The following ARNT2 variants were observed in gnomAD, a reference collection of about 807,000 sequenced individuals.
ARNT2 encodes ARNT protein 2.
In ARNT2, 36 loss-of-function variants were observed where a neutral mutation model predicts 91.7. The observed-to-expected ratio is 0.39, with a 90% CI of 0.30 to 0.52. The LOEUF (loss-of-function observed/expected upper bound fraction) is 0.52. Ranked by LOEUF, ARNT2 falls within the 20% of genes least tolerant of loss-of-function variation. The pLI is 0.72. For missense variants in ARNT2, 775 were observed against 939.3 expected, an observed-to-expected ratio of 0.83 and a Z score of 2.29; for synonymous variants, 365 against 347.1, an observed-to-expected ratio of 1.05 and a Z score of -0.57.
intron 6 of ARNT2, among the ~76,000 whole-genome samples, chr15:80,511,261 C>T (rs1239856514): frequency 6.6e-6 from 1 of 152,032 alleles, no homozygotes; most frequent in East Asian, 1.9e-4. Context: ...TTATTGTTAG[C>T]GAATTAACAC....
chr15:80,568,058 G>C (rs1364886659), intron 12 of ARNT2, among the ~76,000 whole-genome samples: 1 of 152,156 alleles, frequency 6.6e-6, no homozygotes, highest in East Asian at 1.9e-4. Flanking sequence ...TGGAGAAACT[G>C]AGTGTTTAAT....
intron 2 of ARNT2, among the ~76,000 whole-genome samples, 177 bp from the exon 3 acceptor site, chr15:80,457,752 T>C (rs1413683799): frequency 1.3e-5 from 2 of 152,240 alleles, no homozygotes; most frequent in Non-Finnish European, 2.9e-5. Context: ...ATTTTGCCTC[T>C]TCTTGTCTTG....
At chr15:80,536,487 G>C (rs892713575) in intron 8 of ARNT2, among the ~76,000 whole-genome samples, 4 of 152,204 alleles carry the variant, frequency 2.6e-5, no homozygotes, top group Admixed American at 2.6e-4. Flanking sequence ...TATTGGACAT[G>C]TGTAGCCCCC....
At chr15:80,424,696 T>G (rs1382411549) in intron 1 of ARNT2, among the ~76,000 whole-genome samples, 1 of 152,124 alleles carries the variant, frequency 6.6e-6, no homozygotes, top group African/African-American at 2.4e-5. Context: ...CTGGAACCTT[T>G]CCCTTTCAGT....
intron 3 of ARNT2, among the ~76,000 whole-genome samples, chr15:80,462,019 A>G (rs1422568997): frequency 2.0e-5 from 3 of 152,102 alleles, no homozygotes; most frequent in Non-Finnish European, 2.9e-5. Context: ...GCACCCTCCT[A>G]TAGTGAGGTC....
At chr15:80,568,488 T>C (rs1898526781) in intron 12 of ARNT2, among the ~76,000 whole-genome samples, 1 of 152,222 alleles carries the variant, frequency 6.6e-6, no homozygotes, top group Non-Finnish European at 1.5e-5. Context: ...CCCAGAATCA[T>C]GACGGAGTCT....
chr15:80,528,923 A>G (rs1897690589), intron 8 of ARNT2, among the ~76,000 whole-genome samples: 2 of 152,224 alleles, frequency 1.3e-5, no homozygotes, highest in South Asian at 2.1e-4. Flanking sequence ...TTCAAGAAAC[A>G]GGTTTGCCAT....
chr15:80,411,416 C>T (rs891929161), intron 1 of ARNT2, among the ~76,000 whole-genome samples: 7 of 152,154 alleles, frequency 4.6e-5, no homozygotes, highest in African/African-American at 1.7e-4. Flanking sequence ...TTGTATGTGG[C>T]TGCCTTTCAA....
At chr15:80,508,344 C>T in intron 6 of ARNT2, 86 bp downstream of exon 6, 1 of 1,354,380 alleles carries the variant, frequency 7.4e-7, no homozygotes, top group Admixed American at 1.8e-5. Context: ...AGCTCTGCCG[C>T]AGTCACACAT....
rs76124122 is a variant in ARNT2 at position 80,478,490 on chromosome 15, G to C, written c.622+3267G>C. ...GGCAGCCAGAACCAGTACAGTGGAG[G>C]GTGTCCTCCAAGATGCCAGAGAAGG... On this transcript the variant is annotated intron_variant, in intron 5 of 18. Coordinates refer to ENST00000303329, the MANE Select transcript of ARNT2 (RefSeq NM_014862.4). 3.4e-3 allele frequency among the ~76,000 whole-genome samples: 522 copies of C among 152,346 alleles called. 2 individuals are homozygous for C. Among genetic ancestry groups the C allele is most frequent in the African/African-American group, 0.012 (497 of 41,578 alleles).
intron 8 of ARNT2, among the ~76,000 whole-genome samples, chr15:80,531,184 C>T (rs748576245): frequency 1.6e-4 from 24 of 152,272 alleles, no homozygotes; most frequent in Middle Eastern, 3.4e-3. Flanking sequence ...TGTAAGTCCC[C>T]GGACAGCCTC....
Position 80,461,957 on chromosome 15 carries a change from C to A in ARNT2, c.194+3981C>A, listed in dbSNP as rs567725120. On this transcript the variant is annotated intron_variant, in intron 3 of 18. Coordinates refer to ENST00000303329, the MANE Select transcript of ARNT2 (RefSeq NM_014862.4). ...TCTTTGGAAAAATGCCGATTACACTCCAGCAAGTGTTTCTCCAAAGATGAT... is the reference window on the plus strand; with the variant it reads ...TCTTTGGAAAAATGCCGATTACACTACAGCAAGTGTTTCTCCAAAGATGAT... 6.6e-5 allele frequency among the ~76,000 whole-genome samples: 10 copies of A among 152,286 alleles called. No individual in the cohort carries two copies. In the South Asian group the frequency reaches 2.1e-3, roughly 32 times the overall value.
At chr15:80,430,269 G>T (rs539304434) in intron 1 of ARNT2, among the ~76,000 whole-genome samples, 3 of 152,088 alleles carry the variant, frequency 2.0e-5, no homozygotes, top group African/African-American at 7.2e-5. Flanking sequence ...GATCTCTGTG[G>T]TCTCCCCACT....
At chr15:80,569,723 C>G (rs1043295748) in intron 12 of ARNT2, among the ~76,000 whole-genome samples, 1 of 152,250 alleles carries the variant, frequency 6.6e-6, no homozygotes, top group Non-Finnish European at 1.5e-5. Flanking sequence ...AGCAAACCCC[C>G]GGCCTAATAC....
At chr15:80,494,826 G>C (rs1447617540) in intron 5 of ARNT2, among the ~76,000 whole-genome samples, 1 of 152,200 alleles carries the variant, frequency 6.6e-6, no homozygotes, top group Non-Finnish European at 1.5e-5. Context: ...AAATGTGCCA[G>C]TCTTGGTCTT....
Position 80,591,768 on chromosome 15 carries a change from T to G in ARNT2, c.2055+64T>G. The G allele has an allele frequency of 1.2e-6, 2 of 1,600,516 alleles. No individual in the cohort carries two copies. Among genetic ancestry groups the G allele is most frequent in the East Asian group, 2.2e-5 (1 of 44,634 alleles). On this transcript the variant is annotated intron_variant, in intron 18 of 18. Coordinates refer to ENST00000303329, the MANE Select transcript of ARNT2 (RefSeq NM_014862.4). This position sits in a 1 kb window ranked among gnomAD's most constrained non-coding sequence, Gnocchi z 5.1. ...GCCTTCTCTCTGCTTCCTTTCCCCC[T>G]CGGTCTCTGCCGCACCACCGCCTGC... is the stretch of plus-strand genomic sequence containing the variant.
Position 80,557,652 on chromosome 15 carries a change from C to T in ARNT2, c.1164+2513C>T, listed in dbSNP as rs191682631. On this transcript the variant is annotated intron_variant, in intron 11 of 18. Transcript: ENST00000303329. ...CAGAATGCCTGAATCCTTTCCCAGC[C>T]CCCAGTCCTCCTCTCATCACCATCC... Among the ~76,000 whole-genome samples, 9 of 152,200 alleles carry T rather than the reference C, an allele frequency of 5.9e-5. No homozygotes were observed. The East Asian group carries it at 1.7e-3, about 29-fold the overall frequency.
intron 8 of ARNT2, among the ~76,000 whole-genome samples, chr15:80,528,405 T>C (rs1033298777): frequency 1.3e-5 from 2 of 151,914 alleles, no homozygotes; most frequent in African/African-American, 4.8e-5. Context: ...TATCTATCTA[T>C]CTATCTATTT....
chr15:80,447,998 G>A (rs892976355), intron 1 of ARNT2, among the ~76,000 whole-genome samples: 11 of 152,142 alleles, frequency 7.2e-5, no homozygotes, highest in Non-Finnish European at 1.6e-4. Context: ...GCTCATTCCA[G>A]TTAAATGCAA....
Sources: gnomAD v4.1 joint callset for allele counts (sites outside exome capture counted in the v4.1 genomes callset) on GRCh38, gnomAD v4.1.1 for gene constraint, Gnocchi (gnomAD v3.1) non-coding constraint, MANE v1.5 for transcripts, NCBI Gene and HGNC (gene_info 2026-07-23, HGNC 2026-07-21) for gene names.